The following PIK3CA variants were observed in gnomAD, a reference collection of about 807,000 sequenced individuals.
The protein encoded by PIK3CA is phosphatidylinositol-4,5-bisphosphate 3-kinase catalytic subunit alpha, also known as phosphatidylinositol 4,5-bisphosphate 3-kinase catalytic subunit alpha isoform.
Under a neutral mutation model 138.2 loss-of-function variants are expected in PIK3CA, and 27 were observed. The ratio of observed to expected loss-of-function variants is 0.20; its 90% confidence interval spans 0.14 to 0.27. The LOEUF (loss-of-function observed/expected upper bound fraction) is 0.27. Ranked by LOEUF, PIK3CA falls within the 10% of genes least tolerant of loss-of-function variation. PIK3CA has a pLI of 1.00. For missense variants in PIK3CA, 544 were observed against 1,277.4 expected, an observed-to-expected ratio of 0.43 and a Z score of 8.75; for synonymous variants, 358 against 413.2, an observed-to-expected ratio of 0.87 and a Z score of 1.62.
intron 14 of PIK3CA, among the ~76,000 whole-genome samples, 157 bp downstream of exon 14, chr3:179,221,314 G>A (rs1198588356): frequency 3.3e-5 from 5 of 152,236 alleles, no homozygotes; most frequent in Admixed American, 6.5e-5. Context: ...TGTTAGACAC[G>A]TCATGCAGGC....
rs1301598852 is a variant in PIK3CA at position 179,235,066 on chromosome 3, C to A, written c.*702C>A. The A allele has an allele frequency of 1.1e-5, 2 of 186,458 alleles. No homozygotes were observed. The highest frequency in any genetic ancestry group is 6.5e-5 in the Admixed American group (1 of 15,444). The allele number at this position is 186,458 out of a possible 1,614,324, so 11.6% of individuals were successfully genotyped here. ...GTGGTATTTTTTTTTTTCTTCTGGA[C>A]AGTATTTAAAGGATCTTATTCTTAT... On this transcript the variant is annotated 3_prime_UTR_variant, in exon 21 of 21. Coordinates refer to ENST00000263967, the MANE Select transcript of PIK3CA (RefSeq NM_006218.4).
At chr3:179,159,388 C>T (rs568271071) in intron 1 of PIK3CA, among the ~76,000 whole-genome samples, 25 of 152,216 alleles carry the variant, frequency 1.6e-4, no homozygotes, top group African/African-American at 5.3e-4. Flanking sequence ...ACAGCTGAAA[C>T]CCATGGAAGA....
chr3:179,183,160 T>G (rs1385517402), intron 1 of PIK3CA, among the ~76,000 whole-genome samples: 1 of 152,192 alleles, frequency 6.6e-6, no homozygotes, highest in Admixed American at 6.5e-5. Flanking sequence ...TAAATCACTA[T>G]TAGTCAATAA....
intron 7 of PIK3CA, 88 bp downstream of exon 7, chr3:179,209,788 A>T (rs1724660468): frequency 1.6e-6 from 1 of 614,924 alleles, no homozygotes; most frequent in Non-Finnish European, 2.7e-6. Context: ...ATTGGATGTT[A>T]TTTTATATTT....
intron 20 of PIK3CA, among the ~76,000 whole-genome samples, chr3:179,231,071 A>G (rs1725199768): frequency 6.6e-6 from 1 of 152,018 alleles, no homozygotes; most frequent in Non-Finnish European, 1.5e-5. Context: ...GTGAGAACAT[A>G]CTGTATTTTC....
At chr3:179,206,077 C>T (rs1724551648) in intron 6 of PIK3CA, among the ~76,000 whole-genome samples, 1 of 143,402 alleles carries the variant, frequency 7.0e-6, no homozygotes. Flanking sequence ...CAACAAACAA[C>T]TTCAGGATCT....
chr3:179,223,348 T>C (rs1399824130), intron 14 of PIK3CA, among the ~76,000 whole-genome samples: 1 of 152,196 alleles, frequency 6.6e-6, no homozygotes, highest in African/African-American at 2.4e-5. Flanking sequence ...TAAAATAAAA[T>C]CCCAGCTATT....
intron 20 of PIK3CA, among the ~76,000 whole-genome samples, chr3:179,231,682 C>T (rs1576948783): frequency 9.6e-6 from 1 of 103,898 alleles, no homozygotes; most frequent in Non-Finnish European, 1.7e-5. Flanking sequence ...ACTCTTGTTG[C>T]CCAGGCTGGA....
intron 1 of PIK3CA, among the ~76,000 whole-genome samples, chr3:179,168,393 A>C (rs1421772278): frequency 1.3e-5 from 2 of 152,106 alleles, no homozygotes; most frequent in African/African-American, 4.8e-5. Context: ...TTTCTTTTGC[A>C]GATTACTTGT....
intron 17 of PIK3CA, 78 bp from the exon 18 acceptor site, chr3:179,229,194 C>A (rs1460018191): frequency 9.0e-7 from 1 of 1,110,166 alleles, no homozygotes; most frequent in Non-Finnish European, 1.3e-6. Flanking sequence ...TAATAAAATA[C>A]TCATGTTTTA....
chr3:179,192,590 A>G (rs1724162075), intron 1 of PIK3CA, among the ~76,000 whole-genome samples: 1 of 152,254 alleles, frequency 6.6e-6, no homozygotes, highest in Admixed American at 6.5e-5. Flanking sequence ...AATACATTAC[A>G]GGGATCAGCA....
intron 1 of PIK3CA, among the ~76,000 whole-genome samples, chr3:179,177,242 T>G (rs767973773): frequency 6.6e-6 from 1 of 152,096 alleles, no homozygotes; most frequent in Non-Finnish European, 1.5e-5. Flanking sequence ...ATCTTTGACT[T>G]TTATTTAGTG....
intron 1 of PIK3CA, among the ~76,000 whole-genome samples, chr3:179,169,550 C>T (rs1723499090): frequency 6.6e-6 from 1 of 152,120 alleles, no homozygotes; most frequent in African/African-American, 2.4e-5. Flanking sequence ...ATCAATTCTA[C>T]CAGGACCGTC....
chr3:179,161,732 C>T (rs1257726983), intron 1 of PIK3CA, among the ~76,000 whole-genome samples: 1 of 152,080 alleles, frequency 6.6e-6, no homozygotes, highest in Non-Finnish European at 1.5e-5. Flanking sequence ...ACAGAAAGTC[C>T]AGTGGTCACA....
chr3:179,229,437 A>T lies in PIK3CA; in HGVS notation c.2661A>T (p.Gly887=), dbSNP rs748356708. The stretch of plus-strand genomic sequence containing the variant: ...AGTGGCTCAAAGACAAGAACAAAGG[A>T]GAAATGTGAGTTGTATTATTCTTTC... ...LHQWLKDKNK[G]EIYDAAIDLF... Residue 887 remains glycine (G), a synonymous_variant, in exon 18 of 21, where the codon GGA becomes GGT. Coordinates refer to ENST00000263967, the MANE Select transcript of PIK3CA (RefSeq NM_006218.4). 1 of 1,609,412 alleles carries T rather than the reference A, an allele frequency of 6.2e-7. No individual in the cohort carries two copies. The highest frequency in any genetic ancestry group is 1.1e-5 in the South Asian group (1 of 90,296).
At chr3:179,195,694 T>C (rs1178386144) in intron 1 of PIK3CA, among the ~76,000 whole-genome samples, 2 of 152,170 alleles carry the variant, frequency 1.3e-5, no homozygotes, top group Non-Finnish European at 2.9e-5. Flanking sequence ...TAAAATAATC[T>C]AGACCTGGAT....
intron 1 of PIK3CA, among the ~76,000 whole-genome samples, chr3:179,188,368 T>G (rs913916378): frequency 6.6e-6 from 1 of 152,210 alleles, no homozygotes; most frequent in African/African-American, 2.4e-5. Context: ...TGCATGCCAT[T>G]GGTCACAAGG....
intron 9 of PIK3CA, among the ~76,000 whole-genome samples, chr3:179,212,461 T>C (rs1414386200): frequency 6.6e-6 from 1 of 151,392 alleles, no homozygotes; most frequent in Non-Finnish European, 1.5e-5. Flanking sequence ...ATACCAAAAT[T>C]AGCCAGGCGT....
chr3:179,234,720 T>G lies in PIK3CA; in HGVS notation c.*356T>G, dbSNP rs200615391. 4.2e-6 allele frequency: 1 copy of G among 240,910 alleles called. No individual in the cohort carries two copies. The highest frequency in any genetic ancestry group is 8.1e-6 in the Non-Finnish European group (1 of 123,802). 14.9% of individuals were successfully genotyped at this position (240,910 alleles called of 1,614,324 possible). A position where few individuals can be genotyped will look rare whatever the true frequency, so the allele number is the denominator to read the frequency against. On this transcript the variant is annotated 3_prime_UTR_variant, in exon 21 of 21. Coordinates refer to ENST00000263967, the MANE Select transcript of PIK3CA (RefSeq NM_006218.4). This position sits in a 1 kb window ranked among gnomAD's most constrained non-coding sequence, Gnocchi z 5.1. ...ATGATGGAGAAGGAAAAAGTGATGG[T>G]TTTTTTTGTCTTGCAAATGTTCTAT... is the stretch of plus-strand genomic sequence containing the variant.
Sources: allele counts gnomAD v4.1 joint callset (sites outside exome capture counted in the v4.1 genomes callset), GRCh38; gene constraint gnomAD v4.1.1; non-coding constraint Gnocchi (gnomAD v3.1); transcripts MANE v1.5; gene names NCBI Gene and HGNC (gene_info 2026-07-23, HGNC 2026-07-21).